HIPK2: variants seen among roughly 807,000 people sequenced by gnomAD.
HIPK2 encodes homeodomain interacting protein kinase 2, also known as homeodomain-interacting protein kinase 2.
Under a neutral mutation model 113.7 loss-of-function variants are expected in HIPK2, and 27 were observed. That is an observed-to-expected ratio of 0.24 (90% CI 0.17 to 0.33). The LOEUF (loss-of-function observed/expected upper bound fraction) is 0.33, where lower values mean the gene tolerates loss of function less well. Among genes scored for constraint, HIPK2 ranks in the 10% least tolerant of loss-of-function variants. HIPK2 has a pLI of 1.00. For synonymous variants in HIPK2, 631 were observed against 642.2 expected, an observed-to-expected ratio of 0.98 and a Z score of 0.26; for missense variants, 1,257 against 1,588.0, an observed-to-expected ratio of 0.79 and a Z score of 3.54.
In HIPK2 at chr7:139,575,112, CA is replaced by C. The variant is rs749271159; in HGVS notation, c.3126+15del. 1.1e-4 allele frequency: 167 copies of C among 1,582,576 alleles called. 2 individuals are homozygous for C. In the East Asian group the frequency reaches 3.8e-3, roughly 36 times the overall value. On this transcript the variant is annotated intron_variant, in intron 14 of 14. Coordinates refer to ENST00000406875, the MANE Select transcript of HIPK2 (RefSeq NM_022740.5). ...GGGGGCCCTGCCTGGCCTGGGGCGC[CA>C]GCTGTGGGGCTTACCTGGCTGAGAT...
intron 2 of HIPK2, among the ~76,000 whole-genome samples, chr7:139,667,978 A>G (rs1171026557): frequency 6.6e-6 from 1 of 151,844 alleles, no homozygotes; most frequent in East Asian, 1.9e-4. Flanking sequence ...AAATACAAAA[A>G]TTAGCCGGGT....
chr7:139,634,648 A>G (rs1167292324), intron 2 of HIPK2, among the ~76,000 whole-genome samples: 1 of 149,820 alleles, frequency 6.7e-6, no homozygotes, highest in Non-Finnish European at 1.5e-5. Context: ...CATCCCTTAG[A>G]AAAAAGAAGG....
intron 6 of HIPK2, among the ~76,000 whole-genome samples, chr7:139,621,309 T>G (rs1800226050): frequency 6.6e-6 from 1 of 152,252 alleles, no homozygotes; most frequent in African/African-American, 2.4e-5. Context: ...AATCACTGGC[T>G]ACCTTCGTGT....
intron 1 of HIPK2, among the ~76,000 whole-genome samples, chr7:139,763,155 G>A (rs1000775306): frequency 1.3e-5 from 2 of 152,174 alleles, no homozygotes; most frequent in Non-Finnish European, 2.9e-5. Flanking sequence ...GGGGAAGACT[G>A]GTGTCCAGGG....
intron 2 of HIPK2, among the ~76,000 whole-genome samples, chr7:139,641,540 C>T (rs539734230): frequency 2.0e-5 from 3 of 152,314 alleles, no homozygotes; most frequent in Non-Finnish European, 4.4e-5. Flanking sequence ...TGCGCTTGGG[C>T]TGCTTGGAGT....
At position 139,683,861 on chromosome 7, in the gene HIPK2, C is replaced by T. The variant is rs9801309; in HGVS notation, c.1103+32071G>A. 0.79 allele frequency among the ~76,000 whole-genome samples: 120,396 copies of T among 152,112 alleles called. 48,273 individuals are homozygous for T. Among genetic ancestry groups the T allele is most frequent in the African/African-American group, 0.86 (35,709 of 41,510 alleles). On this transcript the variant is annotated intron_variant, in intron 2 of 14. Coordinates refer to ENST00000406875, the MANE Select transcript of HIPK2 (RefSeq NM_022740.5). The surrounding 1 kb of genome is among the most constrained non-coding windows in gnomAD (Gnocchi z 4.2). ...AAATACTTTAGAAAATAGTTTTAAA[C>T]ACTGAATGGGCTTGGAATTTGGGGA...
chr7:139,671,645 G>A (rs1802306742), intron 2 of HIPK2, among the ~76,000 whole-genome samples: 1 of 152,078 alleles, frequency 6.6e-6, no homozygotes, highest in South Asian at 2.1e-4. Flanking sequence ...TCCGTCTCCT[G>A]GTTCAAGCAA....
chr7:139,655,085 C>T (rs192349336), intron 2 of HIPK2, among the ~76,000 whole-genome samples: 1 of 152,210 alleles, frequency 6.6e-6, no homozygotes, highest in Non-Finnish European at 1.5e-5. Flanking sequence ...GGGGGGAATT[C>T]GCTTGGATAA....
chr7:139,706,485 G>A (rs139250168), intron 2 of HIPK2, among the ~76,000 whole-genome samples: 144 of 152,314 alleles, frequency 9.5e-4, no homozygotes, highest in African/African-American at 3.2e-3. Context: ...ATGCATGCAG[G>A]CATTCGGTCA....
At chr7:139,656,570 G>A (rs1801676149) in intron 2 of HIPK2, among the ~76,000 whole-genome samples, 1 of 152,072 alleles carries the variant, frequency 6.6e-6, no homozygotes, top group African/African-American at 2.4e-5. Flanking sequence ...CCAATTTACA[G>A]CCTGCTGCCT....
intron 9 of HIPK2, among the ~76,000 whole-genome samples, chr7:139,610,133 G>T (rs772074080): frequency 2.6e-5 from 4 of 152,160 alleles, no homozygotes; most frequent in Non-Finnish European, 5.9e-5. Context: ...ACGATTAAAG[G>T]ACTGAAACAA....
intron 2 of HIPK2, among the ~76,000 whole-genome samples, chr7:139,690,091 G>T (rs1190694535): frequency 6.6e-6 from 1 of 151,986 alleles, no homozygotes; most frequent in Non-Finnish European, 1.5e-5. Context: ...GGGAGGGACA[G>T]CTGACACAGC....
Position 139,708,108 on chromosome 7 carries a change from G to A in HIPK2, c.1103+7824C>T, listed in dbSNP as rs150297541. On this transcript the variant is annotated intron_variant, in intron 2 of 14. Coordinates refer to ENST00000406875, the MANE Select transcript of HIPK2 (RefSeq NM_022740.5). ...GGACAGCTCAATGCCAGGCTGTCATGCCGGCCGCACCCTCTCACCTCCACA... is the reference window on the plus strand; with the variant it reads ...GGACAGCTCAATGCCAGGCTGTCATACCGGCCGCACCCTCTCACCTCCACA... Among the ~76,000 whole-genome samples, 515 of 152,232 alleles carry A rather than the reference G, an allele frequency of 3.4e-3. 4 individuals carry two copies. The highest frequency in any genetic ancestry group is 0.012 in the African/African-American group (487 of 41,530).
intron 2 of HIPK2, among the ~76,000 whole-genome samples, chr7:139,702,018 G>A (rs1372248166): frequency 6.6e-6 from 1 of 152,180 alleles, no homozygotes; most frequent in Non-Finnish European, 1.5e-5. Flanking sequence ...TCTGGACGTG[G>A]GAGCCAAGCA....
At position 139,584,007 on chromosome 7, in the gene HIPK2, G is replaced by C. The variant is rs780795823; in HGVS notation, c.2775C>G (p.Pro925=). 4.3e-6 allele frequency: 7 copies of C among 1,613,320 alleles called. No individual in the cohort carries two copies. The African/African-American group carries it at 9.3e-5, about 22-fold the overall frequency. ...TGGTGTTGCTGGAGGAGTCGGAGTA[G>C]GGGGAGTCGTGGACTGTGACACAGC... is the stretch of plus-strand genomic sequence containing the variant. The part of the protein sequence containing the change: ...VISCVTVHDS[P]YSDSSSNTSP... The change falls in exon 13 of 15, where the codon CCC becomes CCG. Residue 925 remains proline, a synonymous_variant. Transcript: ENST00000406875.
At chr7:139,690,242 T>A (rs1794360264) in intron 2 of HIPK2, among the ~76,000 whole-genome samples, 1 of 152,108 alleles carries the variant, frequency 6.6e-6, no homozygotes, top group Admixed American at 6.5e-5. Context: ...GGCCATTTGC[T>A]AGAGCATCGG....
At chr7:139,699,612 G>A (rs1397148340) in intron 2 of HIPK2, among the ~76,000 whole-genome samples, 2 of 152,212 alleles carry the variant, frequency 1.3e-5, no homozygotes, top group Admixed American at 6.5e-5. Context: ...AGCTGGGGAG[G>A]GTGGAGCTGG....
intron 1 of HIPK2, among the ~76,000 whole-genome samples, chr7:139,751,698 A>T (rs190289541): frequency 2.5e-3 from 388 of 152,258 alleles, no homozygotes; most frequent in African/African-American, 8.4e-3. Flanking sequence ...ACTAAACTGC[A>T]TGCATTGAGA....
rs1341343992 is a variant in HIPK2 at position 139,561,823 on chromosome 7, T to C, written c.*11104A>G. 6.6e-6 allele frequency: 1 copy of C among 152,146 alleles called. No individual in the cohort carries two copies. Among genetic ancestry groups the C allele is most frequent in the East Asian group, 1.9e-4 (1 of 5,200 alleles). The allele number at this position is 152,146 out of a possible 1,614,324, so 9.4% of individuals were successfully genotyped here. On this transcript the variant is annotated 3_prime_UTR_variant, in exon 15 of 15. Transcript: ENST00000406875. ...AAAATAACTATATTCTTCTATATTT[T>C]TTCTGTTAAAATCATCTCATAAATT...
Sources: allele counts gnomAD v4.1 joint callset (sites outside exome capture counted in the v4.1 genomes callset), GRCh38; gene constraint gnomAD v4.1.1; non-coding constraint Gnocchi (gnomAD v3.1); transcripts MANE v1.5; gene names NCBI Gene and HGNC (gene_info 2026-07-23, HGNC 2026-07-21).